Variants in SPOCK1 observed in about 807,000 individuals in gnomAD.
SPOCK1 encodes testican-1.
Under a neutral mutation model 55.3 loss-of-function variants are expected in SPOCK1, and 23 were observed. The observed-to-expected ratio is 0.42, with a 90% CI of 0.30 to 0.59. The LOEUF (loss-of-function observed/expected upper bound fraction) is 0.59, where lower values mean the gene tolerates loss of function less well. Ranked by LOEUF, SPOCK1 falls within the 20% of genes least tolerant of loss-of-function variation. SPOCK1 has a pLI of 0.22. For synonymous variants in SPOCK1, 226 were observed against 221.0 expected (o/e 1.02, Z -0.20); for missense variants, 499 against 552.5 (o/e 0.90, Z 0.97).
chr5:137,244,360 G>A (rs1224435151), intron 3 of SPOCK1, among the ~76,000 whole-genome samples: 1 of 152,190 alleles, frequency 6.6e-6, no homozygotes, highest in Middle Eastern at 3.2e-3. Flanking sequence ...GTAACTGTGA[G>A]CCTGTTGCTT....
chr5:137,059,114 ATAAT>A (rs1752349778), intron 6 of SPOCK1, among the ~76,000 whole-genome samples: 1 of 91,002 alleles, frequency 1.1e-5, no homozygotes, highest in African/African-American at 3.5e-5. Context: ...GGAAGCTATT[ATAAT>A]ACAAGACAAG....
At chr5:137,375,384 T>C (rs998780106) in intron 2 of SPOCK1, among the ~76,000 whole-genome samples, 8 of 152,152 alleles carry the variant, frequency 5.3e-5, no homozygotes, top group African/African-American at 1.9e-4. Context: ...AAATGAACAG[T>C]TGGTGATAAG....
At chr5:137,111,112 T>C (rs1378519930) in intron 5 of SPOCK1, among the ~76,000 whole-genome samples, 1 of 152,046 alleles carries the variant, frequency 6.6e-6, no homozygotes, top group Admixed American at 6.6e-5. Flanking sequence ...ATAACCCTGA[T>C]AAGTCTCTGA....
chr5:137,349,294 A>G (rs985494870), intron 2 of SPOCK1, among the ~76,000 whole-genome samples: 1 of 152,230 alleles, frequency 6.6e-6, no homozygotes, highest in African/African-American at 2.4e-5. Flanking sequence ...CAGGGTAGTA[A>G]CTATAATTGC....
intron 6 of SPOCK1, among the ~76,000 whole-genome samples, chr5:137,032,970 C>T (rs1012724327): frequency 1.3e-5 from 2 of 152,188 alleles, no homozygotes; most frequent in African/African-American, 4.8e-5. Context: ...CACAAGAACT[C>T]GGCCCTCACA....
At chr5:137,253,622 T>A (rs529991618) in intron 3 of SPOCK1, among the ~76,000 whole-genome samples, 1 of 152,326 alleles carries the variant, frequency 6.6e-6, no homozygotes, top group East Asian at 1.9e-4. Context: ...CATGTGGCTG[T>A]CTACTCTTAC....
At chr5:137,119,417 G>T (rs1204155238) in intron 4 of SPOCK1, among the ~76,000 whole-genome samples, 1 of 152,190 alleles carries the variant, frequency 6.6e-6, no homozygotes, top group African/African-American at 2.4e-5. Context: ...TTCCTCTGTT[G>T]TTAGGGTTAT....
At chr5:137,319,200 T>A (rs1021247926) in intron 2 of SPOCK1, among the ~76,000 whole-genome samples, 1 of 152,226 alleles carries the variant, frequency 6.6e-6, no homozygotes, top group Admixed American at 6.5e-5. Flanking sequence ...AAGCTGCCTC[T>A]CATCAGAGAA....
chr5:137,184,416 G>T (rs962939202), intron 3 of SPOCK1, among the ~76,000 whole-genome samples: 3 of 152,156 alleles, frequency 2.0e-5, no homozygotes, highest in Non-Finnish European at 4.4e-5. Context: ...TGTTGGGTCT[G>T]TCCTCGCCCC....
At chr5:137,430,575 A>G (rs1017276576) in intron 2 of SPOCK1, among the ~76,000 whole-genome samples, 1 of 152,198 alleles carries the variant, frequency 6.6e-6, no homozygotes, top group African/African-American at 2.4e-5. Context: ...GTCCTTTACA[A>G]TCTACTAAGT....
chr5:137,066,821 G>A (rs1561596820), intron 6 of SPOCK1, among the ~76,000 whole-genome samples: 1 of 152,076 alleles, frequency 6.6e-6, no homozygotes, highest in Admixed American at 6.5e-5. Context: ...AAGTCACCAT[G>A]ATCACATTTA....
At chr5:137,255,870 G>T (rs1234067888) in intron 3 of SPOCK1, among the ~76,000 whole-genome samples, 1 of 152,196 alleles carries the variant, frequency 6.6e-6, no homozygotes, top group East Asian at 1.9e-4. Flanking sequence ...CCTTGGCAAT[G>T]ACTGCAACTA....
intron 2 of SPOCK1, among the ~76,000 whole-genome samples, chr5:137,338,842 C>T (rs1284064592): frequency 6.6e-6 from 1 of 152,184 alleles, no homozygotes; most frequent in Non-Finnish European, 1.5e-5. Flanking sequence ...TGTTCATATC[C>T]TTCGCCCACT....
At chr5:137,200,723 G>A (rs1755410475) in intron 3 of SPOCK1, among the ~76,000 whole-genome samples, 2 of 152,014 alleles carry the variant, frequency 1.3e-5, no homozygotes, top group South Asian at 4.1e-4. Flanking sequence ...AGGTATACAT[G>A]TGCCATGGTG....
intron 2 of SPOCK1, among the ~76,000 whole-genome samples, chr5:137,348,944 G>T (rs555767132): frequency 6.6e-6 from 1 of 152,038 alleles, no homozygotes; most frequent in Admixed American, 6.6e-5. Flanking sequence ...GCCCTAAGCC[G>T]TCCAACAAGC....
intron 5 of SPOCK1, among the ~76,000 whole-genome samples, chr5:137,079,464 A>G (rs529573549): frequency 1.3e-5 from 2 of 151,924 alleles, no homozygotes; most frequent in Non-Finnish European, 2.9e-5. Context: ...AGGTCCATGA[A>G]TGGTATCTGG....
At position 136,978,738 on chromosome 5, in the gene SPOCK1, C is replaced by T. The variant is rs1181526375; in HGVS notation, c.1236G>A (p.Lys412=). 4.3e-6 allele frequency: 7 copies of T among 1,614,022 alleles called. No homozygotes were observed. In the African/African-American group the frequency reaches 6.7e-5, roughly 15 times the overall value. The change falls in exon 11 of 11, where the codon AAG becomes AAA. Residue 412 remains lysine (K), a synonymous_variant. Coordinates refer to ENST00000394945, the MANE Select transcript of SPOCK1 (RefSeq NM_004598.4). ...RELGPKDKEG[K]LRVHTRAVTE... ...TCACGGCTCGGGTGTGCACCCTCAG[C>T]TTCCCCTCTTTGTCCTTTGGTCCCA...
chr5:137,412,267 A>G lies in SPOCK1; in HGVS notation c.186+86106T>C, dbSNP rs527685242. ...TACCTCACTGACAAGGGGCAGGTAT[A>G]GAGCTCCTGTTGGCACCCAATTTCT... On this transcript the variant is annotated intron_variant, in intron 2 of 10. Coordinates refer to ENST00000394945, the MANE Select transcript of SPOCK1 (RefSeq NM_004598.4). Among the ~76,000 whole-genome samples the G allele has an allele frequency of 5.3e-5, 8 of 152,360 alleles. No homozygotes were observed. The South Asian group carries it at 1.7e-3, about 32-fold the overall frequency.
intron 3 of SPOCK1, among the ~76,000 whole-genome samples, chr5:137,199,245 A>G (rs150837557): frequency 3.3e-5 from 5 of 152,284 alleles, no homozygotes; most frequent in Admixed American, 2.0e-4. Flanking sequence ...ACGTTGACAC[A>G]ATGAACCCTG....
Sources: allele counts gnomAD v4.1 joint callset (sites outside exome capture counted in the v4.1 genomes callset), GRCh38; gene constraint gnomAD v4.1.1; transcripts MANE v1.5; gene names NCBI Gene and HGNC (gene_info 2026-07-23, HGNC 2026-07-21).